KIRREL3: variants seen among roughly 807,000 people sequenced by gnomAD.
The protein encoded by KIRREL3 is kirre like nephrin family adhesion molecule 3, also known as kin of IRRE-like protein 3.
Under a neutral mutation model 89.7 loss-of-function variants are expected in KIRREL3, and 36 were observed. That is an observed-to-expected ratio of 0.40 (90% CI 0.31 to 0.53). The LOEUF (loss-of-function observed/expected upper bound fraction) is 0.53, where lower values mean the gene tolerates loss of function less well. KIRREL3 is among the 20% of genes least tolerant of loss of function. The pLI is 0.49. For synonymous variants in KIRREL3, 445 were observed against 441.4 expected, an observed-to-expected ratio of 1.01 and a Z score of -0.10; for missense variants, 864 against 1,056.6, an observed-to-expected ratio of 0.82 and a Z score of 2.53.
At chr11:126,584,183 G>A (rs917642408) in intron 1 of KIRREL3, among the ~76,000 whole-genome samples, 1 of 152,158 alleles carries the variant, frequency 6.6e-6, no homozygotes, top group African/African-American at 2.4e-5. Flanking sequence ...TGCAGGCGTG[G>A]GCTGCGTGCT....
chr11:126,935,311 T>TAAAAAAAAAAAAAAAAAAA (rs35209204), intron 1 of KIRREL3: 1 of 133,864 alleles, frequency 7.5e-6, no homozygotes, highest in Non-Finnish European at 1.6e-5. Context: ...GTGTGGCAGT[T>TAAAAAAAAAAAAAAAAAAA]AAAAAAAAAA....
rs1045152207 is a variant in KIRREL3, at chr11:126,601,880, A to G, written c.56-38968T>C. Among the ~76,000 whole-genome samples the G allele has an allele frequency of 1.3e-5, 2 of 152,306 alleles. No individual in the cohort carries two copies. Among genetic ancestry groups the G allele is most frequent in the Admixed American group, 1.3e-4 (2 of 15,302 alleles). On this transcript the variant is annotated intron_variant, in intron 1 of 16. Coordinates refer to ENST00000525144, the MANE Select transcript of KIRREL3 (RefSeq NM_032531.4). The surrounding 1 kb of genome is among the most constrained non-coding windows in gnomAD (Gnocchi z 5.8). ...GGAGGTCTTGGCCTGAGAACCGTGC[A>G]TACGGGACAGCATGAGTTTTAGGAG...
intron 1 of KIRREL3, among the ~76,000 whole-genome samples, chr11:126,845,522 A>G (rs1190662348): frequency 6.6e-6 from 1 of 152,124 alleles, no homozygotes; most frequent in Non-Finnish European, 1.5e-5. Flanking sequence ...TTAGGATAGA[A>G]TGAGGGCCTA....
chr11:126,645,611 G>A lies in KIRREL3; in HGVS notation c.56-82699C>T, dbSNP rs658125. Among the ~76,000 whole-genome samples the A allele has an allele frequency of 0.68, 103,392 of 152,084 alleles. 35,759 individuals carry two copies. The highest frequency in any genetic ancestry group is 0.8 in the African/African-American group (33,101 of 41,488). ...CATCTAAATGGAAGCATCATGGCAC[G>A]AGGTGAAATTCTAGGTTTCTGAAGA... is the stretch of plus-strand genomic sequence containing the variant. On this transcript the variant is annotated intron_variant, in intron 1 of 16. Transcript: ENST00000525144. The surrounding 1 kb of genome is among the most constrained non-coding windows in gnomAD (Gnocchi z 4.9).
intron 1 of KIRREL3, among the ~76,000 whole-genome samples, chr11:126,967,061 C>T (rs918118933): frequency 1.3e-5 from 2 of 152,150 alleles, no homozygotes; most frequent in Non-Finnish European, 2.9e-5. Flanking sequence ...CTGACAATCT[C>T]TTTACTTTCA....
chr11:126,923,257 TC>T (rs1947523189), intron 1 of KIRREL3, among the ~76,000 whole-genome samples: 1 of 85,462 alleles, frequency 1.2e-5, no homozygotes, highest in African/African-American at 5.4e-5. Context: ...TTCTTCTTCT[TC>T]TTCTTCTTCT....
At chr11:126,637,328 T>G (rs1944305713) in intron 1 of KIRREL3, among the ~76,000 whole-genome samples, 1 of 152,152 alleles carries the variant, frequency 6.6e-6, no homozygotes, top group East Asian at 1.9e-4. Context: ...TCTTCTCGCT[T>G]CTTCCCTCTT....
At chr11:126,975,946 T>C (rs929427847) in intron 1 of KIRREL3, among the ~76,000 whole-genome samples, 33 of 104,008 alleles carry the variant, frequency 3.2e-4, no homozygotes, top group South Asian at 3.9e-4. Flanking sequence ...CTCCCTTCCT[T>C]CCTTCCCTCC....
intron 1 of KIRREL3, among the ~76,000 whole-genome samples, chr11:126,980,959 A>G (rs1949705687): frequency 6.6e-6 from 1 of 152,226 alleles, no homozygotes. Context: ...GTTAGGACAC[A>G]ATAAAATAAT....
intron 4 of KIRREL3, among the ~76,000 whole-genome samples, chr11:126,493,214 G>C (rs183541942): frequency 2.0e-5 from 3 of 152,218 alleles, no homozygotes; most frequent in Non-Finnish European, 4.4e-5. Context: ...TGCCTCTCAG[G>C]CATCATGCAA....
At position 126,490,205 on chromosome 11, in the gene KIRREL3, TG is replaced by T. The variant is rs1957474018; in HGVS notation, c.434-16740del. ...GCATTTGGCTTTGGAATGCATTGTG[TG>T]TGTGTGTGTGTGTGTGTGTGTGTGG... is the stretch of plus-strand genomic sequence containing the variant. On this transcript the variant is annotated intron_variant, in intron 4 of 16. Coordinates refer to ENST00000525144, the MANE Select transcript of KIRREL3 (RefSeq NM_032531.4). This position sits in a 1 kb window ranked among gnomAD's most constrained non-coding sequence, Gnocchi z 4.2. 5.6e-5 allele frequency among the ~76,000 whole-genome samples: 2 copies of T among 35,594 alleles called. No homozygotes were observed. The highest frequency in any genetic ancestry group is 1.2e-4 in the African/African-American group (2 of 16,480). 23.4% of individuals were successfully genotyped at this position (35,594 alleles called of 152,430 possible). A position where few individuals can be genotyped will look rare whatever the true frequency, so the allele number is the denominator to read the frequency against.
At chr11:126,942,780 C>T (rs572802339) in intron 1 of KIRREL3, among the ~76,000 whole-genome samples, 3 of 152,222 alleles carry the variant, frequency 2.0e-5, no homozygotes, top group Admixed American at 6.5e-5. Context: ...GAGGCGCTCC[C>T]TTGAGCCCTG....
At position 126,544,741 on chromosome 11, in the gene KIRREL3, C is replaced by G. The variant is rs1938647102; in HGVS notation, c.134-18054G>C. On this transcript the variant is annotated intron_variant, in intron 2 of 16. Coordinates refer to ENST00000525144, the MANE Select transcript of KIRREL3 (RefSeq NM_032531.4). The surrounding 1 kb of genome is among the most constrained non-coding windows in gnomAD (Gnocchi z 5.6). ...GGGAGCTGTCCTTGGTTGGCAGCAT[C>G]AAGATAATCGCCTAAGCCCTTTCTT... Among the ~76,000 whole-genome samples the G allele has an allele frequency of 1.3e-5, 2 of 152,162 alleles. No homozygotes were observed. Among genetic ancestry groups the G allele is most frequent in the African/African-American group, 4.8e-5 (2 of 41,426 alleles).
At chr11:126,934,000 CA>C (rs60806775) in intron 1 of KIRREL3, among the ~76,000 whole-genome samples, 14,542 of 146,520 alleles carry the variant, frequency 0.099, 753 homozygotes, top group Non-Finnish European at 0.12. Context: ...CTGGAAAAGA[CA>C]AAAAAAAAAA....
Position 126,477,260 on chromosome 11 carries a change from A to G in KIRREL3, c.434-3794T>C, listed in dbSNP as rs1957093726. 2.0e-5 allele frequency among the ~76,000 whole-genome samples: 3 copies of G among 152,210 alleles called. 1 individual carries two copies. The South Asian group carries it at 6.2e-4, about 31-fold the overall frequency. Reference sequence around the variant, plus strand: ...TTACTCTCCCATTGGCCAGGACTGGAGCAGGCAGCTTCAGTCTCCCTCCCT... The same window carrying G: ...TTACTCTCCCATTGGCCAGGACTGGGGCAGGCAGCTTCAGTCTCCCTCCCT... On this transcript the variant is annotated intron_variant, in intron 4 of 16. Coordinates refer to ENST00000525144, the MANE Select transcript of KIRREL3 (RefSeq NM_032531.4). The surrounding 1 kb of genome is among the most constrained non-coding windows in gnomAD (Gnocchi z 4.8).
chr11:126,704,199 G>A lies in KIRREL3; in HGVS notation c.56-141287C>T, dbSNP rs986634148. ...CACATTTGCACATGCCCATCCAGCT[G>A]AGCAACATGTATTTACACAGCACAC... On this transcript the variant is annotated intron_variant, in intron 1 of 16. Coordinates refer to ENST00000525144, the MANE Select transcript of KIRREL3 (RefSeq NM_032531.4). This position sits in a 1 kb window ranked among gnomAD's most constrained non-coding sequence, Gnocchi z 4.2. Among the ~76,000 whole-genome samples the A allele has an allele frequency of 3.9e-5, 6 of 152,184 alleles. No homozygotes were observed. Among genetic ancestry groups the A allele is most frequent in the Non-Finnish European group, 8.8e-5 (6 of 68,040 alleles).
intron 1 of KIRREL3, among the ~76,000 whole-genome samples, chr11:126,700,322 G>A (rs1182521735): frequency 1.2e-4 from 19 of 152,118 alleles, no homozygotes; most frequent in Non-Finnish European, 2.9e-5. Context: ...TTTTCTGTGT[G>A]ACTCAGTATG....
chr11:126,596,519 C>T lies in KIRREL3; in HGVS notation c.56-33607G>A, dbSNP rs776941690. Among the ~76,000 whole-genome samples, 7 of 152,230 alleles carry T rather than the reference C, an allele frequency of 4.6e-5. No individual in the cohort carries two copies. In the East Asian group the frequency reaches 5.8e-4, roughly 13 times the overall value. On this transcript the variant is annotated intron_variant, in intron 1 of 16. Transcript: ENST00000525144. ...GGGGAAGGTAGGAATGTGATGACCTCGGCCCCAGGGCCAAGATATGTTCTT... is the reference window on the plus strand; with the variant it reads ...GGGGAAGGTAGGAATGTGATGACCTTGGCCCCAGGGCCAAGATATGTTCTT...
intron 1 of KIRREL3, among the ~76,000 whole-genome samples, chr11:126,959,458 CA>C (rs1400968231): frequency 2.0e-5 from 3 of 152,082 alleles, no homozygotes; most frequent in African/African-American, 7.2e-5. Flanking sequence ...TTGTTTTAGC[CA>C]GGGTTCTGTC....
Sources: allele counts gnomAD v4.1 joint callset (sites outside exome capture counted in the v4.1 genomes callset), GRCh38; gene constraint gnomAD v4.1.1; non-coding constraint Gnocchi (gnomAD v3.1); transcripts MANE v1.5; gene names NCBI Gene and HGNC (gene_info 2026-07-23, HGNC 2026-07-21).